The following CLVS1 variants were observed in gnomAD, a reference collection of about 807,000 sequenced individuals.
CLVS1 encodes the protein clavesin-1.
A neutral mutation model predicts 33.1 loss-of-function variants in CLVS1; 10 were observed. That is an observed-to-expected ratio of 0.30 (90% CI 0.19 to 0.51). The LOEUF (loss-of-function observed/expected upper bound fraction) is 0.51, where lower values mean the gene tolerates loss of function less well. CLVS1 is among the 20% of genes least tolerant of loss of function. The pLI is 0.97. For missense variants in CLVS1, 343 were observed against 433.4 expected, an observed-to-expected ratio of 0.79 and a Z score of 1.85; for synonymous variants, 163 against 166.1, an observed-to-expected ratio of 0.98 and a Z score of 0.14.
chr8:61,149,571 AAAAAC>A (rs1563421479), intron 2 of CLVS1, among the ~76,000 whole-genome samples: 10 of 149,864 alleles, frequency 6.7e-5, no homozygotes, highest in African/African-American at 2.5e-4. Flanking sequence ...AAAAAAAACA[AAAAAC>A]AAAACAAAAA....
intron 2 of CLVS1, among the ~76,000 whole-genome samples, chr8:61,215,538 T>A (rs1334801451): frequency 6.6e-6 from 1 of 150,710 alleles, no homozygotes; most frequent in Non-Finnish European, 1.5e-5. Context: ...TTTTTTTTAC[T>A]ATGATTATGG....
intron 2 of CLVS1, among the ~76,000 whole-genome samples, chr8:61,251,254 A>G (rs550142016): frequency 6.6e-6 from 1 of 152,348 alleles, no homozygotes; most frequent in African/African-American, 2.4e-5. Flanking sequence ...CTTGCATCCC[A>G]GGTATGAAGC....
chr8:61,033,126 G>GGAAGGAAA, the CLVS1 span, among the ~76,000 whole-genome samples: 9 of 68,734 alleles, frequency 1.3e-4, 1 homozygote, highest in East Asian at 5.5e-4. Context: ...AAGGAAGAAA[G>GGAAGGAAA]GAAAGAAAGA....
intron 2 of CLVS1, among the ~76,000 whole-genome samples, chr8:61,261,881 G>A (rs1809209227): frequency 1.3e-5 from 2 of 152,104 alleles, no homozygotes; most frequent in Non-Finnish European, 1.5e-5. Context: ...AGGACTCCAT[G>A]CTGCATGTTC....
intron 1 of CLVS1, among the ~76,000 whole-genome samples, chr8:61,105,755 C>T (rs1221534974): frequency 1.3e-5 from 2 of 149,730 alleles, no homozygotes; most frequent in Non-Finnish European, 3.0e-5. Flanking sequence ...GGTAGGAGGT[C>T]TCTGAACATT....
intron 2 of CLVS1, among the ~76,000 whole-genome samples, chr8:61,305,949 A>T (rs1463549504): frequency 1.3e-5 from 2 of 152,178 alleles, no homozygotes; most frequent in African/African-American, 4.8e-5. Context: ...AGTGATGGGC[A>T]TCTAGGTTGA....
the CLVS1 span, among the ~76,000 whole-genome samples, chr8:61,047,768 A>T: frequency 6.6e-6 from 1 of 152,138 alleles, no homozygotes; most frequent in Non-Finnish European, 1.5e-5. Flanking sequence ...CAGGAAGGGG[A>T]ACATCACACT....
intron 2 of CLVS1, among the ~76,000 whole-genome samples, chr8:61,248,856 T>A (rs1036624218): frequency 6.6e-6 from 1 of 152,124 alleles, no homozygotes; most frequent in Non-Finnish European, 1.5e-5. Flanking sequence ...ATGTAATACA[T>A]TTATGCTAAT....
chr8:61,064,089 C>A (rs192465786), intron 1 of CLVS1, among the ~76,000 whole-genome samples: 21 of 152,304 alleles, frequency 1.4e-4, no homozygotes, highest in Admixed American at 3.3e-4. Flanking sequence ...ATATTCTATT[C>A]TATGGATACA....
intron 2 of CLVS1, among the ~76,000 whole-genome samples, chr8:61,372,037 A>G (rs1300905398): frequency 2.6e-5 from 4 of 152,210 alleles, no homozygotes; most frequent in Non-Finnish European, 5.9e-5. Context: ...ATTCAAAACT[A>G]ATATCCATAA....
intron 2 of CLVS1, among the ~76,000 whole-genome samples, chr8:61,205,021 G>T (rs191977173): frequency 2.6e-5 from 4 of 152,198 alleles, no homozygotes; most frequent in Non-Finnish European, 5.9e-5. Flanking sequence ...TTTCATCAGT[G>T]GGAAGAATGG....
intron 2 of CLVS1, among the ~76,000 whole-genome samples, chr8:61,346,023 G>A (rs1812209024): frequency 6.6e-6 from 1 of 152,110 alleles, no homozygotes; most frequent in African/African-American, 2.4e-5. Flanking sequence ...TCTCTCTTCT[G>A]AGTTACTTTA....
In CLVS1 at chr8:61,236,814, G is replaced by A. The variant is rs749593900; in HGVS notation, c.-151-62863G>A. On this transcript the variant is annotated intron_variant, in intron 2 of 2. Coordinates refer to the CLVS1 transcript ENST00000522621. ...AAATTATGGTCAAGAGAGCTGAGTC[G>A]CTTCCCCAGGTCACAGAGCTGGCGC... 8.2e-4 allele frequency among the ~76,000 whole-genome samples: 125 copies of A among 152,272 alleles called. 2 individuals are homozygous for A. The highest frequency in any genetic ancestry group is 7.3e-3 in the Admixed American group (112 of 15,296).
intron 2 of CLVS1, among the ~76,000 whole-genome samples, chr8:61,322,983 C>G (rs1811253577): frequency 6.6e-6 from 1 of 152,072 alleles, no homozygotes. Flanking sequence ...TAAATGTATC[C>G]TTAAGGAAGT....
intron 1 of CLVS1, among the ~76,000 whole-genome samples, chr8:61,075,368 G>A (rs1408438062): frequency 6.6e-6 from 1 of 152,146 alleles, no homozygotes; most frequent in South Asian, 2.1e-4. Flanking sequence ...GCACCCCCAA[G>A]TTTATCTGGA....
chr8:61,283,684 A>G (rs916317522), upstream of CLVS1, among the ~76,000 whole-genome samples: 5 of 152,188 alleles, frequency 3.3e-5, no homozygotes, highest in Admixed American at 3.3e-4. Context: ...TCTCCCTGCC[A>G]ACAAAGCATT....
At chr8:61,381,380 T>A (rs1370641153) in intron 3 of CLVS1, among the ~76,000 whole-genome samples, 1 of 152,212 alleles carries the variant, frequency 6.6e-6, no homozygotes, top group Non-Finnish European at 1.5e-5. Context: ...CCTATCTCCC[T>A]AGTGTCCTTT....
chr8:61,069,813 C>CA (rs1804758774), intron 1 of CLVS1, among the ~76,000 whole-genome samples: 1 of 151,940 alleles, frequency 6.6e-6, no homozygotes, highest in Non-Finnish European at 1.5e-5. Context: ...TTTTTTGAGA[C>CA]AGAGTCTCGC....
At chr8:61,261,994 G>GTGTGTGTA (rs1554551261) in intron 2 of CLVS1, among the ~76,000 whole-genome samples, 5 of 134,250 alleles carry the variant, frequency 3.7e-5, no homozygotes, top group South Asian at 2.4e-4. Flanking sequence ...GTGTGTGTGT[G>GTGTGTGTA]TGTGTGTGTG....
Sources: gnomAD v4.1 joint callset for allele counts (sites outside exome capture counted in the v4.1 genomes callset) on GRCh38, gnomAD v4.1.1 for gene constraint, MANE v1.5 for transcripts, NCBI Gene and HGNC (gene_info 2026-07-23, HGNC 2026-07-21) for gene names.